The following NR1D2 variants were observed in gnomAD, a reference collection of about 807,000 sequenced individuals.
NR1D2 encodes the protein V-erbA-related protein 1-related.
NR1D2 carries 25 observed loss-of-function variants against 52.2 expected under a neutral mutation model. That is an observed-to-expected ratio of 0.48 (90% CI 0.35 to 0.67). The LOEUF (loss-of-function observed/expected upper bound fraction) is 0.67. Among genes scored for constraint, NR1D2 ranks in the 30% least tolerant of loss-of-function variants. The probability of loss-of-function intolerance (pLI) is 0.01; values close to 1 mark genes in which losing one functional copy is unlikely to be tolerated. For missense variants in NR1D2, 681 were observed against 707.2 expected (o/e 0.96, Z 0.42); for synonymous variants, 259 against 230.1 (o/e 1.13, Z -1.14).
intron 4 of NR1D2, among the ~76,000 whole-genome samples, chr3:23,960,626 G>A (rs372892449): frequency 2.0e-5 from 3 of 152,128 alleles, no homozygotes; most frequent in Non-Finnish European, 2.9e-5. Context: ...GCCATCAGGC[G>A]TGGCCAGGAG....
At chr3:23,965,473 C>G (rs1398640126) in intron 6 of NR1D2, among the ~76,000 whole-genome samples, 1 of 151,340 alleles carries the variant, frequency 6.6e-6, no homozygotes, top group African/African-American at 2.4e-5. Context: ...TCTCAAACTC[C>G]TGAGCTCAAA....
intron 7 of NR1D2, among the ~76,000 whole-genome samples, chr3:23,972,741 A>G (rs1237005525): frequency 6.6e-6 from 1 of 152,226 alleles, no homozygotes; most frequent in Non-Finnish European, 1.5e-5. Flanking sequence ...TGTAGCATTT[A>G]GTACACCATT....
intron 2 of NR1D2, among the ~76,000 whole-genome samples, chr3:23,955,402 A>C (rs892407498): frequency 6.6e-6 from 1 of 152,238 alleles, no homozygotes; most frequent in African/African-American, 2.4e-5. Context: ...TAAATTTACA[A>C]AATTTCTTAT....
chr3:23,946,123 C>G (rs1161705820), intron 1 of NR1D2: 9 of 985,026 alleles, frequency 9.1e-6, no homozygotes, highest in Non-Finnish European at 1.1e-5. Flanking sequence ...CCGCGATTCC[C>G]TCCTCCCCCG....
intron 3 of NR1D2, among the ~76,000 whole-genome samples, chr3:23,957,199 T>C (rs529473498): frequency 2.7e-4 from 41 of 151,762 alleles, no homozygotes; most frequent in African/African-American, 9.9e-4. Flanking sequence ...GCCAGGCTGG[T>C]CTTGAACTCC....
intron 1 of NR1D2, 98 bp downstream of exon 1, chr3:23,945,692 C>T: frequency 6.7e-6 from 1 of 149,220 alleles, no homozygotes; most frequent in Non-Finnish European, 1.4e-5. Context: ...TCCCCATGGC[C>T]GGTGGGGCGG....
rs1171066744 is a variant in NR1D2, at chr3:23,956,095, C to CTA, written c.344_345dup (p.Gly116MetfsTer27). The CTA allele has an allele frequency of 6.2e-7, 1 of 1,613,788 alleles. No individual in the cohort carries two copies. Among genetic ancestry groups the CTA allele is most frequent in the African/African-American group, 1.3e-5 (1 of 74,894 alleles). ...GTGGGGATGTGGCGTCAGGATTCCA[C>CTA]TATGGAGTTCATGCTTGCGAAGGCT... On this transcript the variant is annotated frameshift_variant, in exon 3 of 8. Transcript: ENST00000312521. LOFTEE classifies it high-confidence loss of function.
intron 5 of NR1D2, chr3:23,963,440 C>G: frequency 2.6e-6 from 3 of 1,167,670 alleles, no homozygotes; most frequent in Non-Finnish European, 3.2e-6. Context: ...TTATGTTAGG[C>G]TAAGTCGTTG....
chr3:23,955,728 T>C (rs1480841094), intron 2 of NR1D2, among the ~76,000 whole-genome samples: 1 of 151,890 alleles, frequency 6.6e-6, no homozygotes, highest in East Asian at 1.9e-4. Context: ...GGCTGAGGCA[T>C]GAGAATCACA....
rs56174505 is a variant in NR1D2 at position 23,976,767 on chromosome 3, G to A, written c.1544-456G>A. Reference sequence around the variant, plus strand: ...GGTCCACTTAGTAGGAGGAGGTTGCGCAAGGGTGCGAATACCAGGATGAAG... The same window carrying A: ...GGTCCACTTAGTAGGAGGAGGTTGCACAAGGGTGCGAATACCAGGATGAAG... On this transcript the variant is annotated intron_variant, in intron 7 of 7. Transcript: ENST00000312521. Among the ~76,000 whole-genome samples, 213 of 152,116 alleles carry A rather than the reference G, an allele frequency of 1.4e-3. 1 individual carries two copies. Among genetic ancestry groups the A allele is most frequent in the African/African-American group, 4.7e-3 (194 of 41,486 alleles).
chr3:23,956,220 C>T (rs1388942256), intron 3 of NR1D2, 95 bp downstream of exon 3: 1 of 911,574 alleles, frequency 1.1e-6, no homozygotes, highest in African/African-American at 1.6e-5. Context: ...GTCTGAGAGA[C>T]AGTGAGAAGT....
chr3:23,959,998 C>T lies in NR1D2; in HGVS notation c.517+183C>T, dbSNP rs577164501. ...AAAGTCGTATTTTAGCATTATCATC[C>T]CAGAAACAGTTTTTGGCTAAACTTC... is the stretch of plus-strand genomic sequence containing the variant. On this transcript the variant is annotated intron_variant, in intron 4 of 7. Coordinates refer to ENST00000312521, the MANE Select transcript of NR1D2 (RefSeq NM_005126.5). 5 of 440,398 alleles carry T rather than the reference C, an allele frequency of 1.1e-5. No individual in the cohort carries two copies. In the South Asian group the frequency reaches 3.3e-4, roughly 29 times the overall value. The allele number at this position is 440,398 out of a possible 1,614,324, so 27.3% of individuals were successfully genotyped here.
At position 23,977,475 on chromosome 3, in the gene NR1D2, G is replaced by A. The variant is rs1013945636; in HGVS notation, c.*56G>A. 3.3e-6 allele frequency: 4 copies of A among 1,228,580 alleles called. No homozygotes were observed. In the African/African-American group the frequency reaches 6.1e-5, roughly 19 times the overall value. 76.1% of individuals were successfully genotyped at this position (1,228,580 alleles called of 1,614,324 possible). A position where few individuals can be genotyped will look rare whatever the true frequency, so the allele number is the denominator to read the frequency against. On this transcript the variant is annotated 3_prime_UTR_variant, in exon 8 of 8. Transcript: ENST00000312521. ...GTAACTGTACATTTTGTGCTAAAATGCATATTTATATGTGTATACCATATG... is the reference window on the plus strand; with the variant it reads ...GTAACTGTACATTTTGTGCTAAAATACATATTTATATGTGTATACCATATG...
intron 6 of NR1D2, among the ~76,000 whole-genome samples, chr3:23,967,355 C>G (rs1706473657): frequency 6.6e-6 from 1 of 151,756 alleles, no homozygotes; most frequent in Non-Finnish European, 1.5e-5. Context: ...TGGCTCACAC[C>G]TGTAATCCCA....
At chr3:23,950,890 CTCTT>C (rs1484179595) in intron 1 of NR1D2, among the ~76,000 whole-genome samples, 2 of 137,404 alleles carry the variant, frequency 1.5e-5, no homozygotes, top group East Asian at 2.0e-4. Flanking sequence ...CTTTTCTTTT[CTCTT>C]TCTTTTTCTT....
chr3:23,956,877 A>G (rs1288553227), intron 3 of NR1D2, among the ~76,000 whole-genome samples: 2 of 152,172 alleles, frequency 1.3e-5, no homozygotes, highest in Non-Finnish European at 2.9e-5. Flanking sequence ...TTGAGGCCAC[A>G]AGCAAGAATC....
chr3:23,950,902 C>CTTTTTTTTTTTTT (rs1181448290), intron 1 of NR1D2, among the ~76,000 whole-genome samples: 9 of 123,096 alleles, frequency 7.3e-5, no homozygotes, highest in Non-Finnish European at 1.3e-4. Context: ...CTTTCTTTTT[C>CTTTTTTTTTTTTT]TTTTTTTTTT....
chr3:23,957,390 CT>C lies in NR1D2; in HGVS notation c.372+1290del, dbSNP rs201651739. 4.5e-3 allele frequency among the ~76,000 whole-genome samples: 496 copies of C among 110,490 alleles called. 2 individuals carry two copies. The highest frequency in any genetic ancestry group is 6.6e-3 in the Non-Finnish European group (381 of 57,522). 72.5% of individuals were successfully genotyped at this position (110,490 alleles called of 152,430 possible). ...AAAAAGATTCTCCTTCTCTATATAT[CT>C]TTTTTTTTTTTTTTTTTTTTTTTTA... On this transcript the variant is annotated intron_variant, in intron 3 of 7. Transcript: ENST00000312521.
intron 1 of NR1D2, among the ~76,000 whole-genome samples, chr3:23,950,902 CTTT>C (rs1181448290): frequency 1.3e-4 from 16 of 123,106 alleles, no homozygotes; most frequent in South Asian, 2.5e-4. Flanking sequence ...CTTTCTTTTT[CTTT>C]TTTTTTTTTT....
Sources: gnomAD v4.1 joint callset for allele counts (sites outside exome capture counted in the v4.1 genomes callset) on GRCh38, gnomAD v4.1.1 for gene constraint, MANE v1.5 for transcripts, NCBI Gene and HGNC (gene_info 2026-07-23, HGNC 2026-07-21) for gene names.